The following HRG variants were observed in gnomAD, a reference collection of about 807,000 sequenced individuals.
HRG encodes histidine rich glycoprotein.
In HRG, 26 loss-of-function variants were observed where a neutral mutation model predicts 29.5. That is an observed-to-expected ratio of 0.88 (90% CI 0.65 to 1.22). HRG has a LOEUF of 1.22. Among genes scored for constraint, HRG ranks in the 50% most tolerant of loss-of-function variants. The probability of loss-of-function intolerance (pLI) is 0.00; values close to 1 mark genes in which losing one functional copy is unlikely to be tolerated. For missense variants in HRG, 671 were observed against 654.5 expected, an observed-to-expected ratio of 1.03 and a Z score of -0.28; for synonymous variants, 243 against 240.4, an observed-to-expected ratio of 1.01 and a Z score of -0.10.
intron 6 of HRG, among the ~76,000 whole-genome samples, chr3:186,675,589 T>A (rs965316657): frequency 6.6e-6 from 1 of 152,142 alleles, no homozygotes; most frequent in Non-Finnish European, 1.5e-5. Context: ...GTGCTGAGAC[T>A]TAGTCATTCC....
rs1449094785 is a variant in HRG, at chr3:186,678,082, A to G, written c.*199A>G. 3 of 577,008 alleles carry G rather than the reference A, an allele frequency of 5.2e-6. No homozygotes were observed. The highest frequency in any genetic ancestry group is 3.1e-5 in the East Asian group (1 of 32,748). The allele number at this position is 577,008 out of a possible 1,614,324, so 35.7% of individuals were successfully genotyped here. A position where few individuals can be genotyped will look rare whatever the true frequency, so the allele number is the denominator to read the frequency against. Reference sequence around the variant, plus strand: ...AGGAAAGAACTCAGTGCTGCCTATTAGTAGTTAATTCTGTCACTCACCACT... The same window carrying G: ...AGGAAAGAACTCAGTGCTGCCTATTGGTAGTTAATTCTGTCACTCACCACT... On this transcript the variant is annotated 3_prime_UTR_variant, in exon 7 of 7. Transcript: ENST00000232003.
At chr3:186,675,294 T>TGAGAGAGA (rs1176053587) in intron 6 of HRG, 104 bp downstream of exon 6, 11 of 563,848 alleles carry the variant, frequency 2.0e-5, no homozygotes, top group South Asian at 9.0e-5. Flanking sequence ...GGTGTGTGTG[T>TGAGAGAGA]GTGTGTGTGT....
chr3:186,671,888 T>A, intron 4 of HRG, 99 bp downstream of exon 4: 1 of 984,798 alleles, frequency 1.0e-6, no homozygotes, highest in Non-Finnish European at 1.6e-6. Flanking sequence ...CTCAATTGAC[T>A]AGCTGCCTTT....
At chr3:186,672,706 T>C (rs1718840048) in intron 4 of HRG, 81 bp from the exon 5 acceptor site, 4 of 873,476 alleles carry the variant, frequency 4.6e-6, no homozygotes, top group Non-Finnish European at 7.7e-6. Flanking sequence ...CCTTAAAAAA[T>C]ATTGAATGGT....
rs569054106 is a variant in HRG at position 186,672,925 on chromosome 3, AAGAAGG to A, written c.639+80_639+85del. ...AGAGTCACAGAGAAAAAAGAAAGAG[AAGAAGG>A]AGAAGGAGAAGGAGAAGGAGAGGAA... On this transcript the variant is annotated intron_variant, in intron 5 of 6. Transcript: ENST00000232003. 744 of 1,136,960 alleles carry A rather than the reference AAGAAGG, an allele frequency of 6.5e-4. 6 individuals are homozygous for A. The highest frequency in any genetic ancestry group is 1.5e-3 in the East Asian group (64 of 42,504). The allele number at this position is 1,136,960 out of a possible 1,614,324, so 70.4% of individuals were successfully genotyped here.
intron 3 of HRG, among the ~76,000 whole-genome samples, chr3:186,671,054 A>G (rs1718771373): frequency 6.6e-6 from 1 of 151,736 alleles, no homozygotes; most frequent in South Asian, 2.1e-4. Flanking sequence ...AACAGGAAGA[A>G]CTTATTAAAA....
At chr3:186,667,581 G>T (rs994479817) in intron 1 of HRG, among the ~76,000 whole-genome samples, 39 of 152,086 alleles carry the variant, frequency 2.6e-4, no homozygotes, top group African/African-American at 9.2e-4. Context: ...AATTTAATGA[G>T]GGGAGATCTA....
At chr3:186,676,950 T>C in intron 6 of HRG, 97 bp from the exon 7 acceptor site, 1 of 1,346,414 alleles carries the variant, frequency 7.4e-7, no homozygotes, top group Non-Finnish European at 1.1e-6. Flanking sequence ...ATTTGTGGAA[T>C]CTATGATCTG....
intron 2 of HRG, 100 bp downstream of exon 2, chr3:186,669,151 G>A (rs1718706541): frequency 1.2e-6 from 1 of 801,552 alleles, no homozygotes; most frequent in Non-Finnish European, 2.3e-6. Flanking sequence ...AGAAGAGAAA[G>A]GGCAGCTTTT....
At chr3:186,670,062 T>A (rs774522758) in intron 3 of HRG, 34 bp downstream of exon 3, 1 of 1,043,890 alleles carries the variant, frequency 9.6e-7, no homozygotes, top group South Asian at 1.3e-5. Flanking sequence ...AATTAATTCT[T>A]GATTAATACA....
chr3:186,667,709 GA>G (rs1485806671), intron 1 of HRG, among the ~76,000 whole-genome samples: 2 of 152,070 alleles, frequency 1.3e-5, no homozygotes, highest in African/African-American at 4.8e-5. Flanking sequence ...GGTGGGTATG[GA>G]ATCAGGAAGA....
chr3:186,676,158 C>T (rs185493097), intron 6 of HRG, among the ~76,000 whole-genome samples: 2 of 151,868 alleles, frequency 1.3e-5, no homozygotes, highest in Non-Finnish European at 1.5e-5. Flanking sequence ...CATGAGCCAC[C>T]GTGCCCGGCC....
Position 186,677,110 on chromosome 3 carries a change from G to T in HRG, c.805G>T (p.Glu269Ter), listed in dbSNP as rs770042147. 6.2e-7 allele frequency: 1 copy of T among 1,614,050 alleles called. No homozygotes were observed. The highest frequency in any genetic ancestry group is 1.7e-5 in the Admixed American group (1 of 60,024). The change falls in exon 7 of 7, where the codon GAG (glutamate) becomes TAG (stop). Residue 269 changes from glutamate (E) to a stop codon, truncating the protein, a stop_gained. Coordinates refer to ENST00000232003, the MANE Select transcript of HRG (RefSeq NM_000412.5). LOFTEE classifies it low-confidence loss of function (END_TRUNC). ...ACATCCCTTCCACTGGGGTGGGCAT[G>T]AGCGTTCTTCTACCACCAAGCCTCC... Reference protein sequence around the residue: ...LGHPFHWGGHERSSTTKPPFK... With the variant: ...LGHPFHWGGH
chr3:186,670,848 C>T (rs1252747627), intron 3 of HRG, among the ~76,000 whole-genome samples: 2 of 152,076 alleles, frequency 1.3e-5, no homozygotes, highest in Non-Finnish European at 1.5e-5. Flanking sequence ...CGCCCAGCCT[C>T]CATACCCTTT....
intron 2 of HRG, chr3:186,669,647 T>A: frequency 2.2e-6 from 1 of 448,780 alleles, no homozygotes; most frequent in Middle Eastern, 6.7e-4. Flanking sequence ...AAATGAGAGG[T>A]TCACACTCCT....
intron 5 of HRG, chr3:186,674,876 C>A (rs908302958): frequency 2.6e-5 from 14 of 547,390 alleles, no homozygotes; most frequent in African/African-American, 1.5e-4. Flanking sequence ...ATGAAAAAAA[C>A]CACAGCAACT....
chr3:186,678,186 C>G lies in HRG; in HGVS notation c.*303C>G. ...AACTCTAATTCTAGAGTCTCTGTTA[C>G]TGCTTGGGCTATACCTGGGCATACT... On this transcript the variant is annotated 3_prime_UTR_variant, in exon 7 of 7. Transcript: ENST00000232003. The G allele has an allele frequency of 2.6e-6, 1 of 382,596 alleles. No individual in the cohort carries two copies. Among genetic ancestry groups the G allele is most frequent in the East Asian group, 6.0e-5 (1 of 16,760 alleles). The allele number at this position is 382,596 out of a possible 1,614,324, so 23.7% of individuals were successfully genotyped here. A position where few individuals can be genotyped will look rare whatever the true frequency, so the allele number is the denominator to read the frequency against.
chr3:186,666,912 CA>C (rs200968251), intron 1 of HRG: 131 of 137,616 alleles, frequency 9.5e-4, no homozygotes, highest in Admixed American at 8.7e-4. Flanking sequence ...GACTCCATCT[CA>C]AAAAAAAAAA....
At chr3:186,677,021 A>C (rs1166085434) in intron 6 of HRG, 26 bp from the exon 7 acceptor site, 2 of 1,613,756 alleles carry the variant, frequency 1.2e-6, no homozygotes, top group African/African-American at 2.7e-5. Context: ...ACATGATGAT[A>C]GGCACTTTTC....
Sources: gnomAD v4.1 joint callset for allele counts (sites outside exome capture counted in the v4.1 genomes callset) on GRCh38, gnomAD v4.1.1 for gene constraint, MANE v1.5 for transcripts, NCBI Gene and HGNC (gene_info 2026-07-23, HGNC 2026-07-21) for gene names.